The following GPC3 variants were observed in gnomAD, a reference collection of about 807,000 sequenced individuals.
GPC3 encodes glypican-3.
A neutral mutation model predicts 34.4 loss-of-function variants in GPC3; 3 were observed. The ratio of observed to expected loss-of-function variants is 0.09; its 90% CI spans 0.04 to 0.23. GPC3 has a LOEUF of 0.23. GPC3 is among the 10% of genes least tolerant of loss of function. GPC3 has a pLI of 1.00. For missense variants in GPC3, 351 were observed against 445.6 expected (o/e 0.79, Z 1.91); for synonymous variants, 177 against 174.0 (o/e 1.02, Z -0.13).
At chrX:133,654,669 G>A (rs1054826206) in intron 6 of GPC3, among the ~76,000 whole-genome samples, 14 of 109,034 alleles carry the variant, frequency 1.3e-4, no homozygotes, top group African/African-American at 4.5e-4. Context: ...CCAAGATCAC[G>A]CCACTGCACT....
chrX:133,755,173 A>C (rs1305873948), intron 2 of GPC3, among the ~76,000 whole-genome samples: 1 of 112,283 alleles, frequency 8.9e-6, no homozygotes, highest in East Asian at 2.8e-4. Context: ...AAAAACAAAA[A>C]TAGCCAAGTT....
At chrX:133,944,976 C>T (rs2076361472) in intron 2 of GPC3, among the ~76,000 whole-genome samples, 1 of 111,663 alleles carries the variant, frequency 9.0e-6, no homozygotes, top group Admixed American at 9.5e-5. Context: ...GACCACATAG[C>T]CATCACACTA....
chrX:133,752,243 A>G (rs926165289), intron 3 of GPC3, among the ~76,000 whole-genome samples: 1 of 111,726 alleles, frequency 9.0e-6, no homozygotes. Context: ...GGTGATAGAT[A>G]CCCCAATTAT....
chrX:133,768,525 T>C (rs1469281634), intron 2 of GPC3, among the ~76,000 whole-genome samples: 2 of 111,331 alleles, frequency 1.8e-5, no homozygotes, highest in African/African-American at 3.3e-5. Flanking sequence ...TACTGACATC[T>C]AAAATGGAGG....
chrX:133,872,947 C>T (rs183980773), intron 2 of GPC3, among the ~76,000 whole-genome samples: 94 of 112,699 alleles, frequency 8.3e-4, no homozygotes, highest in African/African-American at 2.7e-3. Context: ...GTGGCAAGTG[C>T]CAAGATGGCT....
chrX:133,882,417 T>C lies in GPC3; in HGVS notation c.337+70633A>G, dbSNP rs376276122. On this transcript the variant is annotated intron_variant, in intron 2 of 7. Coordinates refer to ENST00000370818, the MANE Select transcript of GPC3 (RefSeq NM_004484.4). ...TTTGCTCCTGAAAGACACTGGACCATGGATATGCTCTTTAGAAATAACCGT... is the reference window on the plus strand; with the variant it reads ...TTTGCTCCTGAAAGACACTGGACCACGGATATGCTCTTTAGAAATAACCGT... Among the ~76,000 whole-genome samples, 26 of 111,913 alleles carry C rather than the reference T, an allele frequency of 2.3e-4. No homozygotes were observed. In the East Asian group the frequency reaches 4.5e-3, roughly 19 times the overall value.
intron 2 of GPC3, among the ~76,000 whole-genome samples, chrX:133,885,536 C>T (rs1365834091): frequency 9.0e-6 from 1 of 111,460 alleles, no homozygotes; most frequent in Non-Finnish European, 1.9e-5. Context: ...AAGCCCCCAA[C>T]AGATTAAAAG....
chrX:133,632,296 C>T (rs963147714), intron 6 of GPC3, among the ~76,000 whole-genome samples: 1 of 110,226 alleles, frequency 9.1e-6, no homozygotes, highest in South Asian at 3.9e-4. Flanking sequence ...AACGGGGTTT[C>T]GCCATGTTGG....
chrX:133,760,177 T>C (rs1200537149), intron 2 of GPC3, among the ~76,000 whole-genome samples: 1 of 112,346 alleles, frequency 8.9e-6, no homozygotes, highest in African/African-American at 3.2e-5. Context: ...TCTCATGCAT[T>C]GCTGGAGGGA....
intron 2 of GPC3, among the ~76,000 whole-genome samples, chrX:133,841,685 T>C (rs1025637786): frequency 2.7e-5 from 3 of 111,414 alleles, no homozygotes; most frequent in African/African-American, 9.8e-5. Flanking sequence ...GTCAACTTGA[T>C]TGGATTGAGG....
Position 133,754,148 on chromosome X carries a change from G to T in GPC3, c.366C>A (p.Ala122=). The change falls in exon 3 of 8, where the codon GCC becomes GCA. Residue 122 remains alanine (A), a synonymous_variant. Transcript: ENST00000370818. ...QEAFEIVVRH[A]KNYTNAMFKN... is the part of the protein sequence containing the mutation. ...TGAACATGGCATTGGTGTAGTTCTTGGCATGGCGAACAACAATTTCAAAGG... is the reference window on the plus strand; with the variant it reads ...TGAACATGGCATTGGTGTAGTTCTTTGCATGGCGAACAACAATTTCAAAGG... The T allele has an allele frequency of 2.5e-6, 3 of 1,196,118 alleles. No homozygotes were observed. Among genetic ancestry groups the T allele is most frequent in the Non-Finnish European group, 3.4e-6 (3 of 885,887 alleles).
chrX:133,969,775 C>T (rs936721307), intron 1 of GPC3, among the ~76,000 whole-genome samples: 4 of 111,375 alleles, frequency 3.6e-5, no homozygotes, highest in African/African-American at 1.3e-4. Flanking sequence ...TTTGGCAGCC[C>T]CTTCCAAAAT....
intron 6 of GPC3, among the ~76,000 whole-genome samples, chrX:133,602,148 A>G (rs972856359): frequency 2.1e-4 from 23 of 111,821 alleles, no homozygotes; most frequent in African/African-American, 7.2e-4. Flanking sequence ...ACATTATGTT[A>G]AGTGAAATAA....
intron 3 of GPC3, among the ~76,000 whole-genome samples, chrX:133,725,140 T>C (rs1171979145): frequency 5.4e-5 from 6 of 111,423 alleles, no homozygotes; most frequent in Non-Finnish European, 1.9e-5. Context: ...ATAAATAATC[T>C]CAGTTCTGCT....
intron 3 of GPC3, among the ~76,000 whole-genome samples, chrX:133,735,313 T>C (rs900576718): frequency 1.8e-5 from 2 of 111,765 alleles, no homozygotes; most frequent in Non-Finnish European, 3.8e-5. Flanking sequence ...CATACATTTA[T>C]GGTCAATTGA....
chrX:133,550,046 A>C (rs1450865030), intron 7 of GPC3, among the ~76,000 whole-genome samples: 4 of 103,287 alleles, frequency 3.9e-5, no homozygotes, highest in African/African-American at 1.4e-4. Flanking sequence ...ACAGAGTTTC[A>C]CTCTTGTTGC....
At chrX:133,759,977 T>A (rs1243279739) in intron 2 of GPC3, among the ~76,000 whole-genome samples, 7 of 111,071 alleles carry the variant, frequency 6.3e-5, no homozygotes. Context: ...GGGCAGAAGA[T>A]CTGAACAGAC....
chrX:133,904,676 T>C (rs775285010), intron 2 of GPC3, among the ~76,000 whole-genome samples: 1 of 111,624 alleles, frequency 9.0e-6, no homozygotes, highest in South Asian at 3.8e-4. Flanking sequence ...CAGGAGGCAT[T>C]TAGGAAAAAT....
intron 7 of GPC3, among the ~76,000 whole-genome samples, chrX:133,560,234 C>T (rs2069529963): frequency 9.0e-6 from 1 of 111,667 alleles, no homozygotes. Context: ...ACTCGGCAAT[C>T]TTTCTACTTT....
Sources: allele counts gnomAD v4.1 joint callset (sites outside exome capture counted in the v4.1 genomes callset), GRCh38; gene constraint gnomAD v4.1.1; transcripts MANE v1.5; gene names NCBI Gene and HGNC (gene_info 2026-07-23, HGNC 2026-07-21).